NUBPL: variants seen among roughly 807,000 people sequenced by gnomAD.
NUBPL encodes NUBP iron-sulfur cluster assembly factor, mitochondrial.
NUBPL carries 31 observed loss-of-function variants against 45.7 expected under a neutral mutation model. That is an observed-to-expected ratio of 0.68 (90% CI 0.51 to 0.92). The LOEUF (loss-of-function observed/expected upper bound fraction) is 0.92, where lower values mean the gene tolerates loss of function less well. Ranked by LOEUF, NUBPL falls within the 40% of genes least tolerant of loss-of-function variation. NUBPL has a pLI of 0.00. For missense variants in NUBPL, 401 were observed against 398.7 expected, an observed-to-expected ratio of 1.01 and a Z score of -0.05; for synonymous variants, 144 against 140.9, an observed-to-expected ratio of 1.02 and a Z score of -0.15.
chr14:31,812,068 G>A (rs968575562), intron 7 of NUBPL, among the ~76,000 whole-genome samples: 1 of 152,210 alleles, frequency 6.6e-6, no homozygotes, highest in Non-Finnish European at 1.5e-5. Context: ...CTACTGGGAG[G>A]TGTCTCCAAA....
chr14:31,758,170 G>T (rs2038714551), intron 6 of NUBPL, among the ~76,000 whole-genome samples: 1 of 152,096 alleles, frequency 6.6e-6, no homozygotes, highest in Non-Finnish European at 1.5e-5. Context: ...TGGTGATGCT[G>T]TCTTCTTGAC....
At chr14:31,790,836 G>A (rs868643859) in intron 7 of NUBPL, among the ~76,000 whole-genome samples, 2 of 152,098 alleles carry the variant, frequency 1.3e-5, no homozygotes, top group African/African-American at 4.8e-5. Flanking sequence ...GGGCGACAAA[G>A]TGAGACTGTC....
intron 6 of NUBPL, among the ~76,000 whole-genome samples, chr14:31,747,134 G>T (rs1284529649): frequency 7.4e-6 from 1 of 135,528 alleles, no homozygotes; most frequent in Non-Finnish European, 1.5e-5. Flanking sequence ...TCAGTCCTGG[G>T]CTTTTCTTTT....
chr14:31,635,157 C>T (rs2139674978), intron 4 of NUBPL, among the ~76,000 whole-genome samples: 1 of 150,454 alleles, frequency 6.6e-6, no homozygotes, highest in African/African-American at 2.5e-5. Context: ...GACATGAAGT[C>T]CTTGCCCATG....
intron 4 of NUBPL, among the ~76,000 whole-genome samples, chr14:31,646,339 C>T (rs572386962): frequency 1.3e-5 from 2 of 151,818 alleles, no homozygotes; most frequent in African/African-American, 4.8e-5. Context: ...GGCACCCGCC[C>T]CCACGCCTGG....
At chr14:31,812,316 C>G (rs548643482) in intron 7 of NUBPL, among the ~76,000 whole-genome samples, 5 of 152,298 alleles carry the variant, frequency 3.3e-5, no homozygotes, top group Admixed American at 6.5e-5. Context: ...AGCTTCTGGC[C>G]GCTTTGTTTA....
intron 6 of NUBPL, among the ~76,000 whole-genome samples, chr14:31,756,904 G>A (rs1320230218): frequency 1.4e-5 from 2 of 147,264 alleles, no homozygotes; most frequent in Admixed American, 6.8e-5. Context: ...AGAGTTTTTA[G>A]CATGAAGGGT....
chr14:31,797,686 C>G (rs541219954), intron 7 of NUBPL, among the ~76,000 whole-genome samples: 135 of 138,362 alleles, frequency 9.8e-4, no homozygotes, highest in African/African-American at 3.5e-3. Context: ...GACTCTTTAT[C>G]CAACTTGCCA....
chr14:31,575,599 A>T (rs2033696550), intron 3 of NUBPL, among the ~76,000 whole-genome samples: 1 of 152,236 alleles, frequency 6.6e-6, no homozygotes, highest in African/African-American at 2.4e-5. Flanking sequence ...TGTTTCTCAC[A>T]GTTACATATG....
At chr14:31,616,081 C>T (rs954797023) in intron 4 of NUBPL, among the ~76,000 whole-genome samples, 2 of 152,208 alleles carry the variant, frequency 1.3e-5, no homozygotes, top group Non-Finnish European at 2.9e-5. Context: ...TTGTTGGCCA[C>T]ATGAATGTCT....
At chr14:31,648,622 T>C (rs949125116) in intron 4 of NUBPL, among the ~76,000 whole-genome samples, 2 of 152,252 alleles carry the variant, frequency 1.3e-5, no homozygotes, top group Admixed American at 6.5e-5. Flanking sequence ...AGCTTTGTTA[T>C]TTTAACTTGA....
At chr14:31,671,064 G>A (rs1250417719) in intron 4 of NUBPL, among the ~76,000 whole-genome samples, 1 of 152,192 alleles carries the variant, frequency 6.6e-6, no homozygotes, top group Non-Finnish European at 1.5e-5. Flanking sequence ...GCCTTGGGGA[G>A]TATAGCCATT....
At chr14:31,770,629 TAATTCTA>T (rs2038992824) in intron 6 of NUBPL, among the ~76,000 whole-genome samples, 1 of 152,254 alleles carries the variant, frequency 6.6e-6, no homozygotes, top group African/African-American at 2.4e-5. Flanking sequence ...ACCCCTTTCA[TAATTCTA>T]ACCTTGTAGC....
At chr14:31,752,439 C>T (rs983933342) in intron 6 of NUBPL, among the ~76,000 whole-genome samples, 2 of 152,194 alleles carry the variant, frequency 1.3e-5, no homozygotes, top group Non-Finnish European at 2.9e-5. Flanking sequence ...ATCCCCAGAT[C>T]TCTGAGGCAG....
At chr14:31,790,460 A>C (rs2039359107) in intron 7 of NUBPL, among the ~76,000 whole-genome samples, 1 of 152,172 alleles carries the variant, frequency 6.6e-6, no homozygotes, top group East Asian at 1.9e-4. Flanking sequence ...AGAGCAGTTA[A>C]GTAGTACTAA....
intron 3 of NUBPL, among the ~76,000 whole-genome samples, chr14:31,591,209 C>T (rs1454551850): frequency 6.6e-6 from 1 of 152,162 alleles, no homozygotes; most frequent in African/African-American, 2.4e-5. Context: ...GTCACCCAGG[C>T]TGGAATGCAA....
At chr14:31,577,411 G>A (rs761886464) in intron 3 of NUBPL, among the ~76,000 whole-genome samples, 1 of 151,566 alleles carries the variant, frequency 6.6e-6, no homozygotes, top group African/African-American at 2.4e-5. Context: ...GCTTGGCTTG[G>A]TTTGTTTGTT....
intron 3 of NUBPL, among the ~76,000 whole-genome samples, chr14:31,580,257 G>C (rs188122974): frequency 3.9e-5 from 6 of 152,288 alleles, no homozygotes; most frequent in Admixed American, 3.3e-4. Context: ...TATTGGAAGA[G>C]ACATAATAAA....
chr14:31,642,566 C>T (rs150587894), intron 4 of NUBPL, among the ~76,000 whole-genome samples: 47 of 152,032 alleles, frequency 3.1e-4, no homozygotes, highest in African/African-American at 1.1e-3. Flanking sequence ...TATGCCAGTA[C>T]TATATTGTTT....
Sources: allele counts gnomAD v4.1 joint callset (sites outside exome capture counted in the v4.1 genomes callset), GRCh38; gene constraint gnomAD v4.1.1; transcripts MANE v1.5; gene names NCBI Gene and HGNC (gene_info 2026-07-23, HGNC 2026-07-21).